Variants in RBFOX1 observed in about 807,000 individuals in gnomAD.
The protein encoded by RBFOX1 is RNA binding fox-1 homolog 1.
In RBFOX1, 8 loss-of-function variants were observed where a neutral mutation model predicts 57.7. The observed-to-expected ratio is 0.14, with a 90% confidence interval of 0.08 to 0.25. RBFOX1 has a LOEUF of 0.25. Among genes scored for constraint, RBFOX1 ranks in the 10% least tolerant of loss-of-function variants. RBFOX1 has a pLI of 1.00. For synonymous variants in RBFOX1, 326 were observed against 222.4 expected (o/e 1.47, Z -4.15); for missense variants, 611 against 548.5 (o/e 1.11, Z -1.14).
intron 1 of RBFOX1, among the ~76,000 whole-genome samples, chr16:6,272,709 G>T (rs959680161): frequency 6.6e-6 from 1 of 152,108 alleles, no homozygotes; most frequent in African/African-American, 2.4e-5. Flanking sequence ...ACAGTAATCC[G>T]GTGTGGCAAT....
In RBFOX1 at chr16:5,924,583, T is replaced by C. The variant is rs1008790608; in HGVS notation, c.351+57248T>C. ...ACCAACTCCCCTTCATTTTCCACCA[T>C]AAGTAGAAGTAGCCTGAAGCCCTCA... On this transcript the variant is annotated intron_variant, in intron 4 of 19. Coordinates refer to the RBFOX1 transcript ENST00000641259. Among the ~76,000 whole-genome samples, 9 of 152,178 alleles carry C rather than the reference T, an allele frequency of 5.9e-5. No homozygotes were observed. In the South Asian group the frequency reaches 6.2e-4, roughly 10 times the overall value.
At chr16:6,630,872 C>T (rs1238560730) in intron 2 of RBFOX1, among the ~76,000 whole-genome samples, 2 of 152,088 alleles carry the variant, frequency 1.3e-5, no homozygotes. Flanking sequence ...AGGACCAGGA[C>T]ATTTGGCCAA....
intron 2 of RBFOX1, among the ~76,000 whole-genome samples, chr16:6,502,797 G>T (rs902916587): frequency 3.9e-5 from 6 of 152,114 alleles, no homozygotes; most frequent in African/African-American, 1.2e-4. Flanking sequence ...ATGGATGTAA[G>T]ATACTTCTTT....
chr16:7,673,552 A>G (rs2072289089), intron 13 of RBFOX1, among the ~76,000 whole-genome samples: 2 of 152,158 alleles, frequency 1.3e-5, no homozygotes, highest in African/African-American at 4.8e-5. Context: ...AGTAGTAATA[A>G]GAGAACAAAA....
chr16:7,673,870 C>T (rs777517189), intron 13 of RBFOX1, among the ~76,000 whole-genome samples: 2 of 152,104 alleles, frequency 1.3e-5, no homozygotes, highest in East Asian at 1.9e-4. Flanking sequence ...TTGTCAATGA[C>T]ACATTTTTGT....
chr16:6,010,266 C>T (rs1203667693), intron 4 of RBFOX1, among the ~76,000 whole-genome samples: 1 of 152,172 alleles, frequency 6.6e-6, no homozygotes, highest in Non-Finnish European at 1.5e-5. Context: ...ATAGGATTAA[C>T]ACCTCCCCTC....
chr16:6,217,266 A>G (rs2097341957), intron 1 of RBFOX1, among the ~76,000 whole-genome samples: 1 of 151,270 alleles, frequency 6.6e-6, no homozygotes, highest in Non-Finnish European at 1.5e-5. Flanking sequence ...ATTTGAGAAC[A>G]AAAATGTTGC....
At chr16:7,412,362 C>G (rs1270258978) in intron 4 of RBFOX1, among the ~76,000 whole-genome samples, 1 of 149,362 alleles carries the variant, frequency 6.7e-6, no homozygotes, top group Non-Finnish European at 1.5e-5. Context: ...TTGCAGGGAG[C>G]CGAGATCGCA....
rs1037472166 is a variant in RBFOX1 at position 5,946,108 on chromosome 16, C to G, written c.351+78773C>G. 7.9e-5 allele frequency among the ~76,000 whole-genome samples: 12 copies of G among 152,280 alleles called. No individual in the cohort carries two copies. The South Asian group carries it at 1.7e-3, about 21-fold the overall frequency. ...GGACTGACTTACCCGCTATTCTTGTCTTTTTAAAAAAGATTTTGTTAATAG... is the reference window on the plus strand; with the variant it reads ...GGACTGACTTACCCGCTATTCTTGTGTTTTTAAAAAAGATTTTGTTAATAG... On this transcript the variant is annotated intron_variant, in intron 4 of 19. Transcript: ENST00000641259. The surrounding 1 kb of genome is among the most constrained non-coding windows in gnomAD (Gnocchi z 4.6).
chr16:5,412,489 T>C (rs1185202909), intron 1 of RBFOX1, among the ~76,000 whole-genome samples: 3 of 152,298 alleles, frequency 2.0e-5, no homozygotes, highest in South Asian at 2.1e-4. Context: ...CAGTCCAAGA[T>C]TTATAGCTCA....
At chr16:6,560,868 T>G (rs1323409673) in intron 2 of RBFOX1, among the ~76,000 whole-genome samples, 1 of 152,182 alleles carries the variant, frequency 6.6e-6, no homozygotes, top group Non-Finnish European at 1.5e-5. Flanking sequence ...CATGTTGCTG[T>G]CCAATAAATA....
At chr16:7,484,645 G>T (rs899054786) in intron 4 of RBFOX1, among the ~76,000 whole-genome samples, 6 of 152,100 alleles carry the variant, frequency 3.9e-5, no homozygotes, top group African/African-American at 1.4e-4. Flanking sequence ...TGTATTTTTA[G>T]TAGAGACAAG....
intron 3 of RBFOX1, among the ~76,000 whole-genome samples, chr16:6,823,256 T>C (rs1308918256): frequency 2.0e-5 from 3 of 151,850 alleles, no homozygotes; most frequent in Non-Finnish European, 4.4e-5. Context: ...TTTTCTTTTT[T>C]TTTTTTCTTT....
intron 2 of RBFOX1, among the ~76,000 whole-genome samples, chr16:6,344,407 C>CTTTTTTTTTTT (rs60637926): frequency 0.25 from 27,255 of 108,266 alleles, 4,853 homozygotes; most frequent in African/African-American, 0.39. Flanking sequence ...TCTTTTTTTT[C>CTTTTTTTTTTT]TTTTTTTTTT....
Position 6,083,075 on chromosome 16 carries a change from C to G in RBFOX1, c.-127+63083C>G, listed in dbSNP as rs1281014339. 2.6e-5 allele frequency among the ~76,000 whole-genome samples: 4 copies of G among 151,994 alleles called. No homozygotes were observed. In the East Asian group the frequency reaches 7.7e-4, roughly 29 times the overall value. ...GGAGTGCAGTGGCATGATCTCGGCTCACTGCAACCTCCTCCTCCCAGGTTC... is the reference window on the plus strand; with the variant it reads ...GGAGTGCAGTGGCATGATCTCGGCTGACTGCAACCTCCTCCTCCCAGGTTC... On this transcript the variant is annotated intron_variant, in intron 1 of 15. Coordinates refer to ENST00000550418, the MANE Select transcript of RBFOX1 (RefSeq NM_018723.4).
chr16:5,558,834 C>G (rs969261427), intron 2 of RBFOX1, among the ~76,000 whole-genome samples: 1 of 152,084 alleles, frequency 6.6e-6, no homozygotes, highest in Non-Finnish European at 1.5e-5. Flanking sequence ...TGTCAGAAAA[C>G]TAGAGCAGGA....
chr16:7,483,255 C>G (rs1441687247), intron 4 of RBFOX1, among the ~76,000 whole-genome samples: 4 of 152,166 alleles, frequency 2.6e-5, no homozygotes. Flanking sequence ...TGTGAGAGAC[C>G]TAAAGTAAAT....
chr16:7,060,454 C>T (rs1338731538), intron 4 of RBFOX1, among the ~76,000 whole-genome samples: 3 of 152,168 alleles, frequency 2.0e-5, no homozygotes, highest in African/African-American at 7.2e-5. Context: ...AAACAAAAGC[C>T]TGAAGTTATT....
chr16:7,409,715 C>T (rs771726885), intron 4 of RBFOX1, among the ~76,000 whole-genome samples: 2 of 152,192 alleles, frequency 1.3e-5, no homozygotes, highest in Non-Finnish European at 2.9e-5. Context: ...ACCTTGATTT[C>T]GTTGGAAGTT....
Sources: gnomAD v4.1 joint callset for allele counts (sites outside exome capture counted in the v4.1 genomes callset) on GRCh38, gnomAD v4.1.1 for gene constraint, Gnocchi (gnomAD v3.1) non-coding constraint, MANE v1.5 for transcripts, NCBI Gene and HGNC (gene_info 2026-07-23, HGNC 2026-07-21) for gene names.